Variants in COMMD10 observed in about 807,000 individuals in gnomAD.
COMMD10 encodes the protein COMM domain-containing protein 10.
A neutral mutation model predicts 28.9 loss-of-function variants in COMMD10; 33 were observed. The observed-to-expected ratio is 1.14, with a 90% CI of 0.87 to 1.53. The LOEUF (loss-of-function observed/expected upper bound fraction) is 1.53. Ranked by LOEUF, COMMD10 falls within the 40% of genes most tolerant of loss-of-function variation. The pLI is 0.00. For missense variants in COMMD10, 310 were observed against 233.4 expected, an observed-to-expected ratio of 1.33 and a Z score of -2.14; for synonymous variants, 110 against 81.7, an observed-to-expected ratio of 1.35 and a Z score of -1.87.
intron 5 of COMMD10, among the ~76,000 whole-genome samples, chr5:116,168,714 C>G (rs1753217353): frequency 6.6e-6 from 1 of 152,142 alleles, no homozygotes; most frequent in Non-Finnish European, 1.5e-5. Context: ...ACTGAACAAC[C>G]TGCTGCTGAA....
At chr5:116,123,659 T>A (rs1167326359) in intron 4 of COMMD10, among the ~76,000 whole-genome samples, 2 of 152,200 alleles carry the variant, frequency 1.3e-5, no homozygotes, top group African/African-American at 4.8e-5. Flanking sequence ...AGCTCCTCCT[T>A]GTACCTCTGG....
chr5:116,228,778 TTA>T (rs1749459007), intron 5 of COMMD10, among the ~76,000 whole-genome samples: 1 of 152,024 alleles, frequency 6.6e-6, no homozygotes, highest in Admixed American at 6.6e-5. Flanking sequence ...CTTGTTAGTT[TTA>T]TGTCATAACT....
At chr5:116,261,673 T>C (rs1036587694) in intron 5 of COMMD10, among the ~76,000 whole-genome samples, 2 of 151,774 alleles carry the variant, frequency 1.3e-5, no homozygotes, top group African/African-American at 4.9e-5. Context: ...TTTTTGCATA[T>C]GTACAGATTT....
intron 4 of COMMD10, among the ~76,000 whole-genome samples, chr5:116,125,583 T>G (rs1561616096): frequency 6.6e-6 from 1 of 152,128 alleles, no homozygotes; most frequent in Non-Finnish European, 1.5e-5. Flanking sequence ...TTACCTGAAT[T>G]TGAATGTTGG....
intron 5 of COMMD10, among the ~76,000 whole-genome samples, chr5:116,164,516 A>G (rs1753028105): frequency 6.6e-6 from 1 of 152,194 alleles, no homozygotes; most frequent in South Asian, 2.1e-4. Context: ...TCAAATGTTC[A>G]TGCCATTACT....
intron 5 of COMMD10, among the ~76,000 whole-genome samples, chr5:116,254,862 T>A (rs1750235072): frequency 6.6e-6 from 1 of 151,418 alleles, no homozygotes; most frequent in Non-Finnish European, 1.5e-5. Context: ...TTGTTGACTT[T>A]CTGTCTCGTT....
chr5:116,259,707 G>A (rs949621791), intron 5 of COMMD10, among the ~76,000 whole-genome samples: 4 of 151,698 alleles, frequency 2.6e-5, no homozygotes, highest in African/African-American at 7.3e-5. Context: ...AAAGAAGTGG[G>A]TGTGGCTGGG....
At chr5:116,137,641 C>T (rs188588755) in intron 5 of COMMD10, among the ~76,000 whole-genome samples, 8 of 151,972 alleles carry the variant, frequency 5.3e-5, no homozygotes, top group East Asian at 3.9e-4. Context: ...CTGAAGAGTA[C>T]GGTTTATAAG....
At chr5:116,279,912 A>G (rs1751027952) in intron 5 of COMMD10, among the ~76,000 whole-genome samples, 1 of 151,836 alleles carries the variant, frequency 6.6e-6, no homozygotes, top group African/African-American at 2.4e-5. Context: ...GCTTTTAAAT[A>G]TTTCTGTATA....
chr5:116,263,459 A>G (rs1212096227), intron 5 of COMMD10, among the ~76,000 whole-genome samples: 1 of 151,798 alleles, frequency 6.6e-6, no homozygotes, highest in East Asian at 1.9e-4. Context: ...TGTGGGAAAA[A>G]TCCACATCTT....
intron 4 of COMMD10, among the ~76,000 whole-genome samples, chr5:116,130,594 G>A (rs1223977168): frequency 2.6e-5 from 4 of 151,984 alleles, no homozygotes; most frequent in Non-Finnish European, 4.4e-5. Context: ...TCCAAAATTA[G>A]TGAATGTGTA....
intron 5 of COMMD10, among the ~76,000 whole-genome samples, chr5:116,236,319 C>G (rs1262905408): frequency 6.6e-6 from 1 of 151,904 alleles, no homozygotes; most frequent in Non-Finnish European, 1.5e-5. Flanking sequence ...ACCTGGCCAA[C>G]ATGGTGAAAC....
chr5:116,289,033 C>T (rs563372745), intron 5 of COMMD10, among the ~76,000 whole-genome samples: 3 of 151,440 alleles, frequency 2.0e-5, no homozygotes, highest in East Asian at 3.9e-4. Context: ...AGGTGCATGC[C>T]ACCATGCCTG....
chr5:116,249,587 C>T (rs1022689220), intron 5 of COMMD10, among the ~76,000 whole-genome samples: 12 of 151,446 alleles, frequency 7.9e-5, no homozygotes, highest in Non-Finnish European at 1.3e-4. Flanking sequence ...CCCTCATATT[C>T]ACATCTACAC....
intron 5 of COMMD10, among the ~76,000 whole-genome samples, chr5:116,223,503 A>G (rs1687386359): frequency 6.6e-6 from 1 of 152,186 alleles, no homozygotes; most frequent in African/African-American, 2.4e-5. Flanking sequence ...TGAAACATTA[A>G]ATTTCTAATT....
chr5:116,171,143 A>AC (rs150326837), intron 5 of COMMD10, among the ~76,000 whole-genome samples: 1 of 151,334 alleles, frequency 6.6e-6, no homozygotes, highest in Non-Finnish European at 1.5e-5. Context: ...TACATGAAGA[A>AC]AACTGCATCA....
chr5:116,281,356 C>T (rs926833198), intron 5 of COMMD10, among the ~76,000 whole-genome samples: 5 of 151,636 alleles, frequency 3.3e-5, no homozygotes, highest in Admixed American at 6.6e-5. Flanking sequence ...GCAACATTAT[C>T]TAGGTACTCA....
At chr5:116,255,140 C>G (rs1362220338) in intron 5 of COMMD10, among the ~76,000 whole-genome samples, 1 of 151,158 alleles carries the variant, frequency 6.6e-6, no homozygotes, top group Non-Finnish European at 1.5e-5. Context: ...TTTTTGTTTT[C>G]CATTTGCTTG....
chr5:116,254,417 T>C (rs1280362886), intron 5 of COMMD10, among the ~76,000 whole-genome samples: 2 of 150,964 alleles, frequency 1.3e-5, no homozygotes, highest in East Asian at 3.9e-4. Context: ...TCTTTCCTGC[T>C]TTCTCTTGTG....
Sources: gnomAD v4.1 joint callset for allele counts (sites outside exome capture counted in the v4.1 genomes callset) on GRCh38, gnomAD v4.1.1 for gene constraint, MANE v1.5 for transcripts, NCBI Gene and HGNC (gene_info 2026-07-23, HGNC 2026-07-21) for gene names.